OSBPL8: variants seen among roughly 807,000 people sequenced by gnomAD.
OSBPL8 encodes oxysterol-binding protein-related protein 8.
OSBPL8 carries 59 observed loss-of-function variants against 125.5 expected under a neutral mutation model. That is an observed-to-expected ratio of 0.47 (90% CI 0.38 to 0.58). The LOEUF (loss-of-function observed/expected upper bound fraction) is 0.58. Ranked by LOEUF, OSBPL8 falls within the 20% of genes least tolerant of loss-of-function variation. OSBPL8 has a pLI of 0.00. For synonymous variants in OSBPL8, 330 were observed against 338.9 expected (o/e 0.97, Z 0.29); for missense variants, 758 against 1,047.8 (o/e 0.72, Z 3.82).
chr12:76,490,936 G>A (rs1422234855), intron 1 of OSBPL8, among the ~76,000 whole-genome samples: 2 of 152,206 alleles, frequency 1.3e-5, no homozygotes, highest in Non-Finnish European at 1.5e-5. Context: ...AAAAGCACTC[G>A]CTCTGACTCC....
intron 2 of OSBPL8, among the ~76,000 whole-genome samples, chr12:76,474,795 TTA>T (rs1308393562): frequency 1.3e-5 from 2 of 152,192 alleles, no homozygotes; most frequent in Non-Finnish European, 1.5e-5. Flanking sequence ...AAATTAAATT[TTA>T]TGTCTATATG....
At chr12:76,493,985 C>T (rs565946099) in intron 1 of OSBPL8, among the ~76,000 whole-genome samples, 33 of 152,154 alleles carry the variant, frequency 2.2e-4, no homozygotes, top group East Asian at 1.7e-3. Context: ...GTCTCTATTG[C>T]GCTGTTCTTT....
intron 4 of OSBPL8, among the ~76,000 whole-genome samples, chr12:76,440,427 C>T (rs1290078350): frequency 6.6e-6 from 1 of 152,044 alleles, no homozygotes; most frequent in Non-Finnish European, 1.5e-5. Flanking sequence ...ATTATGAGCT[C>T]ATATACACTT....
intron 1 of OSBPL8, among the ~76,000 whole-genome samples, chr12:76,489,399 A>ACTT: frequency 6.6e-6 from 1 of 152,210 alleles, no homozygotes; most frequent in African/African-American, 2.4e-5. Context: ...GCTGCAAAGG[A>ACTT]CAAACTGACT....
intron 3 of OSBPL8, among the ~76,000 whole-genome samples, chr12:76,457,217 AT>A (rs753772952): frequency 5.9e-5 from 9 of 152,212 alleles, no homozygotes; most frequent in Non-Finnish European, 1.3e-4. Flanking sequence ...TGGTTAGAAA[AT>A]TATTACAGTA....
intron 22 of OSBPL8, among the ~76,000 whole-genome samples, chr12:76,358,313 G>C (rs964237759): frequency 6.6e-6 from 1 of 151,190 alleles, no homozygotes; most frequent in African/African-American, 2.4e-5. Context: ...CCAAGTAGCT[G>C]GGATTACAGG....
In OSBPL8 at chr12:76,555,662, A is replaced by G. The variant is rs187476186; in HGVS notation, c.-68+3735T>C. Among the ~76,000 whole-genome samples, 7 of 152,310 alleles carry G rather than the reference A, an allele frequency of 4.6e-5. No homozygotes were observed. In the East Asian group the frequency reaches 1.2e-3, roughly 25 times the overall value. On this transcript the variant is annotated intron_variant, in intron 1 of 23. Transcript: ENST00000261183. ...GTTCTCCCAACGATCATGGATTATT[A>G]TCCTGATTTTACAAATGAGAAAACT...
At position 76,427,894 on chromosome 12, in the gene OSBPL8, T is replaced by C. The variant is rs369589285; in HGVS notation, c.218-17260A>G. ...AATCAGTTTGGTGGGTCACAAACAGTGCTTCTAAAAATTAAATAGGTCAGG... is the reference window on the plus strand; with the variant it reads ...AATCAGTTTGGTGGGTCACAAACAGCGCTTCTAAAAATTAAATAGGTCAGG... On this transcript the variant is annotated intron_variant, in intron 4 of 23. Transcript: ENST00000261183. Among the ~76,000 whole-genome samples, 15 of 152,184 alleles carry C rather than the reference T, an allele frequency of 9.9e-5. No individual in the cohort carries two copies. In the East Asian group the frequency reaches 1.5e-3, roughly 16 times the overall value.
At chr12:76,431,689 T>C (rs768127174) in intron 4 of OSBPL8, among the ~76,000 whole-genome samples, 2 of 152,052 alleles carry the variant, frequency 1.3e-5, no homozygotes, top group African/African-American at 4.8e-5. Flanking sequence ...GCTAATTCAA[T>C]AGGAAGACAG....
chr12:76,465,562 AAAAAT>A (rs899272373), intron 2 of OSBPL8, among the ~76,000 whole-genome samples: 8 of 152,058 alleles, frequency 5.3e-5, no homozygotes, highest in East Asian at 1.9e-4. Context: ...TCCGTCTCAA[AAAAAT>A]AAAATAAAAT....
At chr12:76,396,872 C>A (rs1953828795) in intron 8 of OSBPL8, among the ~76,000 whole-genome samples, 1 of 152,228 alleles carries the variant, frequency 6.6e-6, no homozygotes, top group South Asian at 2.1e-4. Flanking sequence ...AGTGCAGTGG[C>A]ACGCTCATGG....
chr12:76,414,622 G>T (rs527517081), intron 4 of OSBPL8, among the ~76,000 whole-genome samples: 46 of 151,086 alleles, frequency 3.0e-4, no homozygotes, highest in African/African-American at 1.0e-3. Context: ...TGACTTTTTT[G>T]TTGTTGTTGT....
intron 1 of OSBPL8, among the ~76,000 whole-genome samples, chr12:76,541,825 C>T (rs1950653077): frequency 6.6e-6 from 1 of 151,958 alleles, no homozygotes; most frequent in African/African-American, 2.4e-5. Context: ...CACTGCACTC[C>T]AGCCTGGGCA....
intron 2 of OSBPL8, among the ~76,000 whole-genome samples, chr12:76,481,846 A>C (rs1877533888): frequency 6.6e-6 from 1 of 152,200 alleles, no homozygotes; most frequent in Non-Finnish European, 1.5e-5. Context: ...TTGCATGCAC[A>C]AGCTCTAAAA....
chr12:76,372,593 A>T (rs1225209398), intron 18 of OSBPL8, among the ~76,000 whole-genome samples: 1 of 152,146 alleles, frequency 6.6e-6, no homozygotes, highest in Non-Finnish European at 1.5e-5. Context: ...CCACTTAACA[A>T]AGTCCCTAAC....
intron 1 of OSBPL8, among the ~76,000 whole-genome samples, chr12:76,539,852 A>G (rs1255946808): frequency 6.6e-6 from 1 of 152,192 alleles, no homozygotes; most frequent in Non-Finnish European, 1.5e-5. Flanking sequence ...ACTTCCCATG[A>G]GCAGTCAACG....
At chr12:76,483,658 G>GTTT (rs1877795166) in intron 2 of OSBPL8, among the ~76,000 whole-genome samples, 2 of 91,554 alleles carry the variant, frequency 2.2e-5, no homozygotes, top group African/African-American at 4.8e-5. Context: ...CACTGTAATA[G>GTTT]TCTTTTTTTT....
chr12:76,420,573 A>AT (rs909098293), intron 4 of OSBPL8, among the ~76,000 whole-genome samples: 23 of 152,016 alleles, frequency 1.5e-4, no homozygotes, highest in Admixed American at 9.2e-4. Flanking sequence ...AGAAAAAAAT[A>AT]TTTTTTTCAG....
At chr12:76,434,712 C>G (rs1404277782) in intron 4 of OSBPL8, among the ~76,000 whole-genome samples, 1 of 152,060 alleles carries the variant, frequency 6.6e-6, no homozygotes, top group Non-Finnish European at 1.5e-5. Context: ...GAGACCTGAA[C>G]AGGCATTTCT....
Sources: gnomAD v4.1 joint callset for allele counts (sites outside exome capture counted in the v4.1 genomes callset) on GRCh38, gnomAD v4.1.1 for gene constraint, MANE v1.5 for transcripts, NCBI Gene and HGNC (gene_info 2026-07-23, HGNC 2026-07-21) for gene names.